FOCAD: variants seen among roughly 807,000 people sequenced by gnomAD.
The protein encoded by FOCAD is KIAA1797.
In FOCAD, 198 loss-of-function variants were observed where a neutral mutation model predicts 225.6. The ratio of observed to expected loss-of-function variants is 0.88; its 90% CI spans 0.78 to 0.99. FOCAD has a LOEUF of 0.99. FOCAD is among the 50% of genes least tolerant of loss of function. FOCAD has a pLI of 0.00. For synonymous variants in FOCAD, 897 were observed against 755.0 expected, an observed-to-expected ratio of 1.19 and a Z score of -3.08; for missense variants, 2,713 against 2,123.6, an observed-to-expected ratio of 1.28 and a Z score of -5.46.
chr9:20,990,000 G>A, intron 41 of FOCAD, 123 bp from the exon 42 acceptor site: 6 of 1,090,938 alleles, frequency 5.5e-6, no homozygotes, highest in South Asian at 4.4e-5. Flanking sequence ...GGGTAGGGCA[G>A]GAGGGACTGG....
chr9:20,747,991 T>TA (rs756274130), intron 5 of FOCAD, among the ~76,000 whole-genome samples: 2 of 152,114 alleles, frequency 1.3e-5, no homozygotes, highest in South Asian at 2.1e-4. Context: ...CTCTAACTCT[T>TA]AAAAAAATCG....
At chr9:20,893,645 G>A (rs1397272513) in intron 21 of FOCAD, among the ~76,000 whole-genome samples, 2 of 152,066 alleles carry the variant, frequency 1.3e-5, no homozygotes, top group African/African-American at 4.8e-5. Context: ...GTGAATAAAT[G>A]GCTAAAAGAA....
rs757484529 is a variant in FOCAD at position 20,732,334 on chromosome 9, G to C, written c.288-7902G>C. Among the ~76,000 whole-genome samples, 344 of 152,308 alleles carry C rather than the reference G, an allele frequency of 2.3e-3. 1 individual carries two copies. The highest frequency in any genetic ancestry group is 3.2e-3 in the Non-Finnish European group (216 of 68,024). On this transcript the variant is annotated intron_variant, in intron 4 of 43. Transcript: ENST00000338382. ...GCTTTCCTGAGGAAGTGACACCTAA[G>C]ATGAGACGAAGGAGTAAATAAAAGT...
In FOCAD at chr9:20,845,442, G is replaced by GATATATATATATATATATATATATAT. The variant is rs3086547; in HGVS notation, c.1921-17112_1921-17111insATATATATATATATATATATATATAT. On this transcript the variant is annotated intron_variant, in intron 15 of 43. Transcript: ENST00000338382. ...GATATATTTTATGCATCTTTTCCTCGATATATATATATATATATATATATG... is the reference window on the plus strand; with the variant it reads ...GATATATTTTATGCATCTTTTCCTCGATATATATATATATATATATATATATATATATATATATATATATATATATG... 1.3e-3 allele frequency among the ~76,000 whole-genome samples: 161 copies of GATATATATATATATATATATATATAT among 121,194 alleles called. 1 individual carries two copies. Among genetic ancestry groups the GATATATATATATATATATATATATAT allele is most frequent in the East Asian group, 3.2e-3 (11 of 3,434 alleles). The allele number at this position is 121,194 out of a possible 152,430, so 79.5% of individuals were successfully genotyped here. A position where few individuals can be genotyped will look rare whatever the true frequency, so the allele number is the denominator to read the frequency against.
chr9:20,917,021 T>C, intron 24 of FOCAD, 84 bp downstream of exon 24: 5 of 1,074,896 alleles, frequency 4.7e-6, no homozygotes, highest in Non-Finnish European at 5.3e-6. Context: ...TTTTAGGGCA[T>C]TTCATAATTT....
chr9:20,765,101 A>G, intron 7 of FOCAD, 28 bp downstream of exon 7: 1 of 1,574,636 alleles, frequency 6.4e-7, no homozygotes, highest in South Asian at 1.2e-5. Context: ...CTCCACAAAT[A>G]TAGGTCAGCA....
chr9:20,820,483 A>T, intron 13 of FOCAD, 58 bp downstream of exon 13: 1 of 1,417,494 alleles, frequency 7.1e-7, no homozygotes, highest in Non-Finnish European at 9.9e-7. Context: ...CTGAAGGAAA[A>T]TAATTATGTC....
chr9:20,688,496 C>T (rs1374082502), intron 1 of FOCAD, among the ~76,000 whole-genome samples: 3 of 152,212 alleles, frequency 2.0e-5, no homozygotes, highest in African/African-American at 7.2e-5. Flanking sequence ...TGGTGCTGTT[C>T]AGTGGGTATT....
intron 10 of FOCAD, among the ~76,000 whole-genome samples, chr9:20,783,358 T>C (rs1819593940): frequency 1.3e-5 from 2 of 152,112 alleles, no homozygotes; most frequent in African/African-American, 2.4e-5. Flanking sequence ...TTTTAAAAAA[T>C]GTAAGCCACA....
At chr9:20,984,846 C>A (rs995852412) in intron 39 of FOCAD, among the ~76,000 whole-genome samples, 1 of 152,146 alleles carries the variant, frequency 6.6e-6, no homozygotes, top group Non-Finnish European at 1.5e-5. Flanking sequence ...TGTCTCCCAG[C>A]CTGGAATGCA....
rs1289147588 is a variant in FOCAD, at chr9:20,949,025, G to A, written c.3876+97G>A. 4 of 1,110,328 alleles carry A rather than the reference G, an allele frequency of 3.6e-6. No individual in the cohort carries two copies. In the East Asian group the frequency reaches 9.6e-5, roughly 27 times the overall value. 68.8% of individuals were successfully genotyped at this position (1,110,328 alleles called of 1,614,324 possible). Reference sequence around the variant, plus strand: ...TGTTTTAGTATGCTAAGAACAGAAGGATTTATGCTCATGGTAATAGTTACA... The same window carrying A: ...TGTTTTAGTATGCTAAGAACAGAAGAATTTATGCTCATGGTAATAGTTACA... On this transcript the variant is annotated intron_variant, in intron 32 of 43. Coordinates refer to ENST00000338382, the MANE Select transcript of FOCAD (RefSeq NM_001375567.1).
chr9:20,788,182 G>A (rs558689036), intron 10 of FOCAD, among the ~76,000 whole-genome samples: 1 of 152,298 alleles, frequency 6.6e-6, no homozygotes, highest in East Asian at 1.9e-4. Context: ...GATGAACCTT[G>A]AAATCATGCT....
At chr9:20,871,363 A>G (rs1829748745) in intron 18 of FOCAD, among the ~76,000 whole-genome samples, 1 of 152,068 alleles carries the variant, frequency 6.6e-6, no homozygotes, top group South Asian at 2.1e-4. Flanking sequence ...CGCCAACCTA[A>G]TAGATACATA....
At chr9:20,862,247 T>A (rs1828838233) in intron 15 of FOCAD, among the ~76,000 whole-genome samples, 1 of 152,042 alleles carries the variant, frequency 6.6e-6, no homozygotes, top group African/African-American at 2.4e-5. Flanking sequence ...AGGGGCTGAT[T>A]CTTCAACAAT....
intron 27 of FOCAD, among the ~76,000 whole-genome samples, chr9:20,930,183 C>T (rs1835334054): frequency 1.0e-5 from 1 of 98,132 alleles, no homozygotes; most frequent in Non-Finnish European, 2.5e-5. Flanking sequence ...CATTTTTGGA[C>T]TGCTAACTTT....
chr9:20,925,792 T>C (rs921621213), intron 25 of FOCAD, among the ~76,000 whole-genome samples: 2 of 152,190 alleles, frequency 1.3e-5, no homozygotes, highest in African/African-American at 4.8e-5. Context: ...TTCTACCTAA[T>C]CTTTCAGTGA....
intron 28 of FOCAD, among the ~76,000 whole-genome samples, chr9:20,941,236 T>C (rs1423041977): frequency 6.6e-6 from 1 of 152,184 alleles, no homozygotes; most frequent in Non-Finnish European, 1.5e-5. Context: ...GCCAGGCTGG[T>C]GTTCGTGAGC....
intron 2 of FOCAD, among the ~76,000 whole-genome samples, chr9:20,664,544 G>A (rs76453867): frequency 7.8e-4 from 118 of 151,866 alleles, no homozygotes; most frequent in African/African-American, 2.7e-3. Context: ...CAAATAAGCA[G>A]GAAGGGAGAG....
At chr9:20,964,098 T>C (rs956541003) in intron 35 of FOCAD, among the ~76,000 whole-genome samples, 3 of 152,070 alleles carry the variant, frequency 2.0e-5, no homozygotes, top group Non-Finnish European at 4.4e-5. Flanking sequence ...AGATGTGGTG[T>C]CTCATGCCTG....
Sources: gnomAD v4.1 joint callset for allele counts (sites outside exome capture counted in the v4.1 genomes callset) on GRCh38, gnomAD v4.1.1 for gene constraint, MANE v1.5 for transcripts, NCBI Gene and HGNC (gene_info 2026-07-23, HGNC 2026-07-21) for gene names.